GDAP1: variants seen among roughly 807,000 people sequenced by gnomAD.
GDAP1 encodes the protein ganglioside-induced differentiation-associated protein 1.
GDAP1 carries 34 observed loss-of-function variants against 40.1 expected under a neutral mutation model. That is an observed-to-expected ratio of 0.85 (90% CI 0.64 to 1.13). The LOEUF (loss-of-function observed/expected upper bound fraction) is 1.13. Ranked by LOEUF, GDAP1 falls within the 50% of genes most tolerant of loss-of-function variation. GDAP1 has a pLI of 0.00. For synonymous variants in GDAP1, 170 were observed against 157.4 expected (o/e 1.08, Z -0.60); for missense variants, 374 against 433.7 (o/e 0.86, Z 1.22).
At chr8:74,384,743 C>T (rs916394968) in intron 2 of GDAP1, among the ~76,000 whole-genome samples, 1 of 152,188 alleles carries the variant, frequency 6.6e-6, no homozygotes, top group Non-Finnish European at 1.5e-5. Context: ...AGAAGTTGAT[C>T]TCTGTCGCCA....
intron 4 of GDAP1, 109 bp from the exon 5 acceptor site, chr8:74,362,827 CGTT>C (rs1809440133): frequency 1.2e-5 from 2 of 167,420 alleles, no homozygotes; most frequent in Admixed American, 1.1e-4. Context: ...TATTTCTTCT[CGTT>C]GTCTAAAATA....
chr8:74,444,079 G>A (rs1262526218), intron 2 of GDAP1, among the ~76,000 whole-genome samples: 4 of 151,540 alleles, frequency 2.6e-5, no homozygotes, highest in African/African-American at 9.7e-5. Flanking sequence ...GGGTAAAGCA[G>A]TTTAGATAGA....
At chr8:74,390,541 C>CT (rs1445160848) in intron 2 of GDAP1, among the ~76,000 whole-genome samples, 1 of 152,152 alleles carries the variant, frequency 6.6e-6, no homozygotes, top group Non-Finnish European at 1.5e-5. Context: ...CTCCCTATTC[C>CT]TTTTTGTAGA....
intron 2 of GDAP1, among the ~76,000 whole-genome samples, chr8:74,471,224 T>G (rs990176833): frequency 1.3e-5 from 2 of 152,304 alleles, no homozygotes. Context: ...GGTAGTTTCT[T>G]TTGCTGTGCA....
At chr8:74,384,536 C>A (rs370167437) in intron 2 of GDAP1, among the ~76,000 whole-genome samples, 1 of 152,146 alleles carries the variant, frequency 6.6e-6, no homozygotes, top group South Asian at 2.1e-4. Context: ...TCTAATTGCT[C>A]GAAATTCTAT....
At chr8:74,411,309 C>T (rs1466256739) in intron 2 of GDAP1, among the ~76,000 whole-genome samples, 5 of 149,568 alleles carry the variant, frequency 3.3e-5, no homozygotes. Flanking sequence ...TTAGAAATAT[C>T]ACTCGTTTTG....
At chr8:74,484,895 C>T (rs569028326) in intron 2 of GDAP1, among the ~76,000 whole-genome samples, 1 of 152,186 alleles carries the variant, frequency 6.6e-6, no homozygotes, top group African/African-American at 2.4e-5. Flanking sequence ...TCATTACCAC[C>T]GGCCAAGTTC....
At chr8:74,403,975 G>T (rs908904633) in intron 2 of GDAP1, among the ~76,000 whole-genome samples, 10 of 150,070 alleles carry the variant, frequency 6.7e-5, no homozygotes, top group Middle Eastern at 3.2e-3. Context: ...AAAAAAGAAA[G>T]ATCATAGGAT....
intron 2 of GDAP1, among the ~76,000 whole-genome samples, chr8:74,487,346 C>A (rs1342964094): frequency 6.6e-6 from 1 of 152,114 alleles, no homozygotes; most frequent in Non-Finnish European, 1.5e-5. Flanking sequence ...TTTTCTAAAA[C>A]ATTAATTCAT....
intron 2 of GDAP1, among the ~76,000 whole-genome samples, chr8:74,395,988 CAG>C (rs2131545544): frequency 6.6e-6 from 1 of 152,236 alleles, no homozygotes; most frequent in South Asian, 2.1e-4. Context: ...GAGTAAATGT[CAG>C]AGTGTCTCAC....
intron 2 of GDAP1, among the ~76,000 whole-genome samples, chr8:74,479,857 G>C (rs1339610815): frequency 6.6e-6 from 1 of 152,188 alleles, no homozygotes; most frequent in African/African-American, 2.4e-5. Context: ...AGCAGAGGCT[G>C]TAGGGTTTTT....
chr8:74,386,116 A>G (rs1810021261), intron 2 of GDAP1, among the ~76,000 whole-genome samples: 1 of 152,100 alleles, frequency 6.6e-6, no homozygotes, highest in African/African-American at 2.4e-5. Context: ...TAGACTGCAA[A>G]TATTTTCTCC....
At position 74,456,477 on chromosome 8, in the gene GDAP1, T is replaced by C. The variant is rs111871228; in HGVS notation, c.166-32201T>C. Reference sequence around the variant, plus strand: ...AGAGTAAATAAAATGAAGATCAGGATTGAGAAAATCAGATCATGACCCCTT... The same window carrying C: ...AGAGTAAATAAAATGAAGATCAGGACTGAGAAAATCAGATCATGACCCCTT... On this transcript the variant is annotated intron_variant, in intron 2 of 2. Coordinates refer to the GDAP1 transcript ENST00000523640. 4.6e-5 allele frequency among the ~76,000 whole-genome samples: 7 copies of C among 152,044 alleles called. 2 individuals are homozygous for C. Among genetic ancestry groups the C allele is most frequent in the African/African-American group, 1.4e-4 (6 of 41,538 alleles).
At chr8:74,448,494 A>G (rs1454514987) in intron 2 of GDAP1, among the ~76,000 whole-genome samples, 1 of 152,156 alleles carries the variant, frequency 6.6e-6, no homozygotes, top group Non-Finnish European at 1.5e-5. Context: ...GATATTTACA[A>G]TGAAACTAAC....
intron 2 of GDAP1, among the ~76,000 whole-genome samples, chr8:74,418,368 C>T (rs992353929): frequency 6.6e-6 from 1 of 152,060 alleles, no homozygotes; most frequent in African/African-American, 2.4e-5. Flanking sequence ...AACAGAGAGT[C>T]TAGGAAATAA....
chr8:74,351,478 G>A lies in GDAP1; in HGVS notation c.310+12G>A. The A allele has an allele frequency of 6.3e-7, 1 of 1,590,910 alleles. No homozygotes were observed. Among genetic ancestry groups the A allele is most frequent in the Non-Finnish European group, 8.6e-7 (1 of 1,158,848 alleles). ...GACTTTCCTGGATGGTAATGTTAAG[G>A]CTACTTGCGATTTCTTGGATTTACT... On this transcript the variant is annotated intron_variant, in intron 2 of 5. Coordinates refer to ENST00000220822, the MANE Select transcript of GDAP1 (RefSeq NM_018972.4).
chr8:74,484,105 A>G (rs1806746356), intron 2 of GDAP1, among the ~76,000 whole-genome samples: 2 of 152,348 alleles, frequency 1.3e-5, no homozygotes, highest in Admixed American at 6.5e-5. Context: ...CATTTAAAAT[A>G]CTAATTAAAA....
At chr8:74,441,877 T>A (rs1022001726) in intron 2 of GDAP1, among the ~76,000 whole-genome samples, 4 of 152,182 alleles carry the variant, frequency 2.6e-5, no homozygotes, top group African/African-American at 9.6e-5. Flanking sequence ...CCACTTTCGT[T>A]CATAGACTTC....
chr8:74,478,809 TCTC>T (rs1806669190), intron 2 of GDAP1, among the ~76,000 whole-genome samples: 1 of 152,174 alleles, frequency 6.6e-6, no homozygotes, highest in South Asian at 2.1e-4. Context: ...GGCTAAGGGG[TCTC>T]CTCCTGCCAG....
Sources: gnomAD v4.1 joint callset for allele counts (sites outside exome capture counted in the v4.1 genomes callset) on GRCh38, gnomAD v4.1.1 for gene constraint, MANE v1.5 for transcripts, NCBI Gene and HGNC (gene_info 2026-07-23, HGNC 2026-07-21) for gene names.